Variants in ADAMTSL1 observed in about 807,000 individuals in gnomAD.
ADAMTSL1 encodes ADAMTS like 1, also known as ADAMTS-like protein 1.
Under a neutral mutation model 201.8 loss-of-function variants are expected in ADAMTSL1, and 126 were observed. The observed-to-expected ratio is 0.62, with a 90% CI of 0.54 to 0.72. ADAMTSL1 has a LOEUF of 0.72. Ranked by LOEUF, ADAMTSL1 falls within the 30% of genes least tolerant of loss-of-function variation. The probability of loss-of-function intolerance (pLI) is 0.00; values close to 1 mark genes in which losing one functional copy is unlikely to be tolerated. For missense variants in ADAMTSL1, 2,679 were observed against 2,277.8 expected (o/e 1.18, Z -3.59); for synonymous variants, 1,121 against 903.4 (o/e 1.24, Z -4.32).
intron 4 of ADAMTSL1, among the ~76,000 whole-genome samples, chr9:18,589,803 C>T (rs1256299770): frequency 6.6e-6 from 1 of 152,080 alleles, no homozygotes; most frequent in Admixed American, 6.5e-5. Context: ...TATGAAATGT[C>T]TTTTCAGCGT....
intron 1 of ADAMTSL1, among the ~76,000 whole-genome samples, chr9:17,961,109 G>A (rs1817732772): frequency 6.6e-6 from 1 of 152,038 alleles, no homozygotes; most frequent in African/African-American, 2.4e-5. Flanking sequence ...ATCTCCAAAG[G>A]GACTTTGGAA....
In ADAMTSL1 at chr9:18,445,396, G is replaced by A. The variant is rs560827711; in HGVS notation, c.208-59433G>A. Among the ~76,000 whole-genome samples the A allele has an allele frequency of 3.4e-3, 521 of 152,212 alleles. 5 individuals are homozygous for A. The highest frequency in any genetic ancestry group is 0.024 in the Middle Eastern group (7 of 294). ...AACTTGATAAGACAAAATCTTTAGA[G>A]TTCACCTACATTCCTACATACAAAA... On this transcript the variant is annotated intron_variant, in intron 2 of 29. Transcript: ENST00000680146.
chr9:18,440,093 A>G (rs1481850729), intron 2 of ADAMTSL1, among the ~76,000 whole-genome samples: 1 of 152,090 alleles, frequency 6.6e-6, no homozygotes, highest in Admixed American at 6.5e-5. Flanking sequence ...ATTCTCTTAA[A>G]ATGTATTTAT....
chr9:18,262,352 C>T (rs886498925), intron 2 of ADAMTSL1, among the ~76,000 whole-genome samples: 4 of 152,088 alleles, frequency 2.6e-5, no homozygotes, highest in Non-Finnish European at 4.4e-5. Context: ...GGAATGGAGG[C>T]CCAGTGTGGT....
chr9:18,300,482 G>A (rs924700722), intron 2 of ADAMTSL1, among the ~76,000 whole-genome samples: 2 of 151,976 alleles, frequency 1.3e-5, no homozygotes, highest in African/African-American at 4.8e-5. Context: ...GCTGGGGGAG[G>A]GATAGCATTA....
At chr9:18,551,796 C>G (rs1181153724) in intron 3 of ADAMTSL1, among the ~76,000 whole-genome samples, 1 of 151,714 alleles carries the variant, frequency 6.6e-6, no homozygotes, top group Non-Finnish European at 1.5e-5. Flanking sequence ...TAAGCATTTA[C>G]TTTTGTTGTT....
At chr9:18,316,182 G>A (rs2132826020) in intron 2 of ADAMTSL1, among the ~76,000 whole-genome samples, 1 of 152,242 alleles carries the variant, frequency 6.6e-6, no homozygotes, top group East Asian at 1.9e-4. Flanking sequence ...AATATCACAA[G>A]GCAAGTGGAG....
chr9:18,729,550 G>T (rs1415856030), intron 15 of ADAMTSL1, among the ~76,000 whole-genome samples: 1 of 152,130 alleles, frequency 6.6e-6, no homozygotes. Flanking sequence ...ATGTGTAAAG[G>T]GATACAAATA....
intron 2 of ADAMTSL1, among the ~76,000 whole-genome samples, chr9:18,318,780 C>T (rs1003102874): frequency 6.6e-6 from 1 of 151,992 alleles, no homozygotes; most frequent in Admixed American, 6.5e-5. Context: ...TCAGATTCAG[C>T]AAGTCTAACG....
chr9:18,172,393 C>G (rs996538828), intron 2 of ADAMTSL1, among the ~76,000 whole-genome samples: 22 of 152,078 alleles, frequency 1.4e-4, no homozygotes, highest in Non-Finnish European at 2.8e-4. Flanking sequence ...CTCAGCCTTA[C>G]TCATCATAAG....
chr9:18,310,402 A>C (rs950269902), intron 2 of ADAMTSL1, among the ~76,000 whole-genome samples: 1 of 140,478 alleles, frequency 7.1e-6, no homozygotes, highest in Non-Finnish European at 1.5e-5. Flanking sequence ...AAAAAAAACT[A>C]TCTTCAGAGT....
intron 2 of ADAMTSL1, among the ~76,000 whole-genome samples, chr9:18,229,185 G>A (rs1363994226): frequency 6.6e-6 from 1 of 152,098 alleles, no homozygotes; most frequent in African/African-American, 2.4e-5. Flanking sequence ...GATCATCCCT[G>A]GATCACTGCA....
At chr9:18,717,972 A>G (rs1833060425) in intron 14 of ADAMTSL1, 16 of 1,567,384 alleles carry the variant, frequency 1.0e-5, no homozygotes, top group Non-Finnish European at 1.4e-5. Flanking sequence ...CACTTAGTAC[A>G]TTAAAGCAGC....
intron 2 of ADAMTSL1, among the ~76,000 whole-genome samples, chr9:18,400,304 G>A (rs10963595): frequency 0.17 from 26,115 of 151,894 alleles, 2,341 homozygotes; most frequent in South Asian, 0.3. Context: ...CTCTTTCTTG[G>A]CAAGCATAGA....
At chr9:18,650,520 ATTC>A (rs1828171328) in intron 7 of ADAMTSL1, among the ~76,000 whole-genome samples, 1 of 152,114 alleles carries the variant, frequency 6.6e-6, no homozygotes, top group African/African-American at 2.4e-5. Flanking sequence ...AGCTGTTCCT[ATTC>A]GGCCATCTTG....
At chr9:18,205,813 T>C (rs1829626498) in intron 2 of ADAMTSL1, among the ~76,000 whole-genome samples, 1 of 151,950 alleles carries the variant, frequency 6.6e-6, no homozygotes, top group Non-Finnish European at 1.5e-5. Flanking sequence ...CAAGACGTTG[T>C]GAGGCTGAGG....
chr9:18,412,414 T>C (rs749265221), intron 2 of ADAMTSL1, among the ~76,000 whole-genome samples: 73 of 152,224 alleles, frequency 4.8e-4, no homozygotes, highest in Non-Finnish European at 7.9e-4. Flanking sequence ...ATTATTTCAT[T>C]ACTGGTTGTA....
intron 1 of ADAMTSL1, among the ~76,000 whole-genome samples, chr9:17,975,400 G>A (rs1445618769): frequency 1.3e-5 from 2 of 152,012 alleles, no homozygotes; most frequent in Non-Finnish European, 1.5e-5. Context: ...TCTGGTGAGA[G>A]CTCGATCTCT....
chr9:18,093,864 A>T (rs1824129012), intron 1 of ADAMTSL1, among the ~76,000 whole-genome samples: 1 of 152,158 alleles, frequency 6.6e-6, no homozygotes, highest in Non-Finnish European at 1.5e-5. Context: ...CTGGATGAGG[A>T]CAGGGCTCAC....
Sources: allele counts gnomAD v4.1 joint callset (sites outside exome capture counted in the v4.1 genomes callset), GRCh38; gene constraint gnomAD v4.1.1; transcripts MANE v1.5; gene names NCBI Gene and HGNC (gene_info 2026-07-23, HGNC 2026-07-21).